Variants in SELENON observed in about 807,000 individuals in gnomAD.
The protein encoded by SELENON is selenoprotein N, 1.
A neutral mutation model predicts 59.5 loss-of-function variants in SELENON; 44 were observed. The ratio of observed to expected loss-of-function variants is 0.74; its 90% CI spans 0.58 to 0.95. The LOEUF is 0.95. SELENON is among the 40% of genes least tolerant of loss of function. SELENON has a pLI of 0.00. For synonymous variants in SELENON, 320 were observed against 305.6 expected (o/e 1.05, Z -0.49); for missense variants, 674 against 721.4 (o/e 0.93, Z 0.75).
intron 10 of SELENON, chr1:25,813,487 G>A: frequency 2.8e-6 from 1 of 363,282 alleles, no homozygotes; most frequent in Non-Finnish European, 5.5e-6. Context: ...CTGGGGGTCA[G>A]GGAAGGCTTT....
At position 25,815,710 on chromosome 1, in the gene SELENON, C is replaced by T. The variant is rs374398346; in HGVS notation, c.1765C>T (p.Gln589Ter). 8 of 1,613,866 alleles carry T rather than the reference C, an allele frequency of 5.0e-6. No individual in the cohort carries two copies. Among genetic ancestry groups the T allele is most frequent in the East Asian group, 2.2e-5 (1 of 44,902 alleles). ...ACTCCGGCGTGGCCTGCCCCTCCTC[C>T]AGCCCTAGAGTGCCTGGACGGGATC... Residue 589 changes from glutamine to a stop codon, truncating the protein, a stop_gained, in exon 13 of 13, where the codon CAG (glutamine) becomes TAG (stop). Transcript: ENST00000361547. LOFTEE classifies it high-confidence loss of function.
At chr1:25,812,849 T>TACC (rs2047978656) in intron 10 of SELENON, 57 bp downstream of exon 9, 1 of 1,340,838 alleles carries the variant, frequency 7.5e-7, no homozygotes, top group African/African-American at 1.4e-5. Flanking sequence ...CCTTGTGGGG[T>TACC]ACCAGAGGCT....
rs746918551 is a variant in SELENON at position 25,801,993 on chromosome 1, CT to C, written c.302-8del. ...GATTTCCAATAGACAGCAGCTATAACTTTTTTTTTTTTTTTGAGACAGGGTC... is the reference window on the plus strand; with the variant it reads ...GATTTCCAATAGACAGCAGCTATAACTTTTTTTTTTTTTTGAGACAGGGTC... On this transcript the variant is annotated intron_variant, in intron 2 of 12. Coordinates refer to ENST00000361547, the MANE Select transcript of SELENON (RefSeq NM_020451.3). The C allele has an allele frequency of 0.09, 20,225 of 223,916 alleles. 1 individual carries two copies. Among genetic ancestry groups the C allele is most frequent in the South Asian group, 0.21 (4,803 of 23,428 alleles). The allele number at this position is 223,916 out of a possible 1,614,324, so 13.9% of individuals were successfully genotyped here. A position where few individuals can be genotyped will look rare whatever the true frequency, so the allele number is the denominator to read the frequency against.
intron 4 of SELENON, among the ~76,000 whole-genome samples, chr1:25,805,698 A>C (rs1283312994): frequency 6.6e-6 from 1 of 151,936 alleles, no homozygotes; most frequent in Non-Finnish European, 1.5e-5. Context: ...CCCACGGGGC[A>C]TAGCATGATG....
intron 12 of SELENON, among the ~76,000 whole-genome samples, chr1:25,815,077 G>A (rs2047998622): frequency 6.6e-6 from 1 of 152,112 alleles, no homozygotes; most frequent in Non-Finnish European, 1.5e-5. Context: ...TCATTCATTT[G>A]TTCATCTACT....
At chr1:25,811,409 A>G in intron 7 of SELENON, 45 bp from the exon 7 acceptor site, 1 of 1,502,348 alleles carries the variant, frequency 6.7e-7, no homozygotes, top group Non-Finnish European at 9.3e-7. Flanking sequence ...TGTGACACAG[A>G]TAATGGGCTT....
intron 6 of SELENON, among the ~76,000 whole-genome samples, 182 bp from the exon 6 acceptor site, chr1:25,809,501 A>C (rs1047825138): frequency 8.1e-4 from 123 of 152,238 alleles, no homozygotes; most frequent in African/African-American, 2.8e-3. Context: ...CTTCCAGAGG[A>C]GGGGCATGTG....
chr1:25,813,160 C>T (rs1375694153), intron 10 of SELENON, among the ~76,000 whole-genome samples: 2 of 152,270 alleles, frequency 1.3e-5, no homozygotes, highest in Non-Finnish European at 1.5e-5. Flanking sequence ...GTGTTATATA[C>T]GTGTAAGAGA....
In SELENON at chr1:25,801,094, T is replaced by C. The variant is rs1357337607; in HGVS notation, c.235T>C (p.Leu79=). The C allele has an allele frequency of 6.2e-7, 1 of 1,614,166 alleles. No homozygotes were observed. Among genetic ancestry groups the C allele is most frequent in the South Asian group, 1.1e-5 (1 of 91,090 alleles). Residue 79 remains leucine (L), a synonymous_variant, in exon 2 of 13, where the codon TTG becomes CTG. Transcript: ENST00000361547. ...AGATGGCCTTTTTCTCTTTTCCTCC[T>C]TGGACACTGACGGGGATATGTACAT...
intron 7 of SELENON, 148 bp from the exon 7 acceptor site, chr1:25,811,306 C>T: frequency 1.2e-6 from 1 of 801,832 alleles, no homozygotes; most frequent in Non-Finnish European, 2.2e-6. Context: ...CAGCCAGAAT[C>T]CCAGTGGCTC....
chr1:25,815,630 C>T lies in SELENON; in HGVS notation c.1685C>T (p.Ser562Leu). ...ATCGAGAGCAATCTCTTCAGCTTCTCATCCACCTTTGAAGACCCGTCCACG... is the reference window on the plus strand; with the variant it reads ...ATCGAGAGCAATCTCTTCAGCTTCTTATCCACCTTTGAAGACCCGTCCACG... The change falls in exon 13 of 13, where the codon TCA becomes TTA. Residue 562 changes from serine (S) to leucine (L), a missense_variant. Transcript: ENST00000361547. 6.2e-7 allele frequency: 1 copy of T among 1,614,214 alleles called. No individual in the cohort carries two copies.
Position 25,814,303 on chromosome 1 carries a change from A to G in SELENON, c.1602+125A>G, listed in dbSNP as rs72877471. On this transcript the variant is annotated intron_variant, in intron 12 of 12. Transcript: ENST00000361547. Reference sequence around the variant, plus strand: ...ACTGTCCCTGCCACTTCCTGGCTGCAAAGCCTCAAGCTGGTCTCTTACCCA... The same window carrying G: ...ACTGTCCCTGCCACTTCCTGGCTGCGAAGCCTCAAGCTGGTCTCTTACCCA... 5.5e-3 allele frequency: 4,192 copies of G among 760,638 alleles called. 128 individuals are homozygous for G. In the African/African-American group the frequency reaches 0.061, roughly 11 times the overall value. 47.1% of individuals were successfully genotyped at this position (760,638 alleles called of 1,614,324 possible).
chr1:25,814,210 C>T (rs749264621), intron 12 of SELENON, 32 bp downstream of exon 11: 22 of 1,592,204 alleles, frequency 1.4e-5, no homozygotes, highest in African/African-American at 2.7e-5. Context: ...CCACAGGGCC[C>T]AGGCACCTCG....
At chr1:25,804,388 T>A (rs900555230) in intron 3 of SELENON, among the ~76,000 whole-genome samples, 20 of 152,160 alleles carry the variant, frequency 1.3e-4, no homozygotes, top group African/African-American at 4.6e-4. Context: ...ATCATCTCTG[T>A]ACCACTACCC....
At chr1:25,804,675 A>G (rs1557427789) in intron 3 of SELENON, among the ~76,000 whole-genome samples, 1 of 134,466 alleles carries the variant, frequency 7.4e-6, no homozygotes, top group East Asian at 2.5e-4. Flanking sequence ...AAAAAAAAAA[A>G]GCAGGGGAAA....
chr1:25,810,409 G>A (rs945994168), intron 7 of SELENON, among the ~76,000 whole-genome samples: 8 of 152,232 alleles, frequency 5.3e-5, no homozygotes, highest in African/African-American at 1.4e-4. Context: ...AGAGGACCCC[G>A]GAGGCCCTGG....
In SELENON at chr1:25,807,641, G is replaced by A. The variant is rs1036237845; in HGVS notation, c.538-939G>A. On this transcript the variant is annotated intron_variant, in intron 4 of 12. Coordinates refer to ENST00000361547, the MANE Select transcript of SELENON (RefSeq NM_020451.3). The surrounding 1 kb of genome is among the most constrained non-coding windows in gnomAD (Gnocchi z 4.5). ...GCCTACAAGCAGGACCCAGGAAGGC[G>A]GGCTCGGCCTGGCCCGGCACAGCCA... is the stretch of plus-strand genomic sequence containing the variant. Among the ~76,000 whole-genome samples the A allele has an allele frequency of 1.3e-5, 2 of 152,194 alleles. No individual in the cohort carries two copies. Among genetic ancestry groups the A allele is most frequent in the Non-Finnish European group, 1.5e-5 (1 of 68,030 alleles).
Position 25,812,670 on chromosome 1 carries a change from T to C in SELENON, c.1282-17T>C, listed in dbSNP as rs537115078. ...CCGCTTTGATGATGGCTTCGCTCTG[T>C]CTCGGTGTGGCCCCAGGTCTCCTAC... On this transcript the variant is annotated splice_polypyrimidine_tract_variant and intron_variant, in intron 9 of 12. Coordinates refer to ENST00000361547, the MANE Select transcript of SELENON (RefSeq NM_020451.3). 14 of 1,602,476 alleles carry C rather than the reference T, an allele frequency of 8.7e-6. No individual in the cohort carries two copies. The South Asian group carries it at 1.6e-4, about 18-fold the overall frequency.
intron 2 of SELENON, among the ~76,000 whole-genome samples, chr1:25,801,706 T>G (rs536638326): frequency 1.4e-4 from 21 of 152,090 alleles, no homozygotes; most frequent in African/African-American, 4.3e-4. Flanking sequence ...AAACCATTCC[T>G]TGGCCACCTC....
Sources: gnomAD v4.1 joint callset for allele counts (sites outside exome capture counted in the v4.1 genomes callset) on GRCh38, gnomAD v4.1.1 for gene constraint, Gnocchi (gnomAD v3.1) non-coding constraint, MANE v1.5 for transcripts, NCBI Gene and HGNC (gene_info 2026-07-23, HGNC 2026-07-21) for gene names.